Variants in PRKN observed in about 807,000 individuals in gnomAD.
PRKN encodes parkin RBR E3 ubiquitin protein ligase.
In PRKN, 56 loss-of-function variants were observed where a neutral mutation model predicts 59.5. The observed-to-expected ratio is 0.94, with a 90% CI of 0.76 to 1.18. PRKN has a LOEUF of 1.18. PRKN is among the 50% of genes most tolerant of loss of function. The probability of loss-of-function intolerance (pLI) is 0.00; values close to 1 mark genes in which losing one functional copy is unlikely to be tolerated. For missense variants in PRKN, 657 were observed against 596.4 expected (o/e 1.10, Z -1.06); for synonymous variants, 250 against 222.1 (o/e 1.13, Z -1.12).
chr6:161,531,272 T>A lies in PRKN; in HGVS notation c.1083+17582A>T, dbSNP rs1187433643. 2.0e-5 allele frequency among the ~76,000 whole-genome samples: 3 copies of A among 151,356 alleles called. No individual in the cohort carries two copies. The East Asian group carries it at 5.9e-4, about 30-fold the overall frequency. On this transcript the variant is annotated intron_variant, in intron 9 of 11. Transcript: ENST00000366898. ...GGCGGGCGCCTGTAGTCCCAGCTACTCGGGAGGCTGAGGGAGGAGAATGGC... is the reference window on the plus strand; with the variant it reads ...GGCGGGCGCCTGTAGTCCCAGCTACACGGGAGGCTGAGGGAGGAGAATGGC...
chr6:162,601,561 T>A (rs1041820332), intron 1 of PRKN, among the ~76,000 whole-genome samples: 2 of 152,100 alleles, frequency 1.3e-5, no homozygotes, highest in Non-Finnish European at 2.9e-5. Context: ...AGGGGCCATG[T>A]TTCCCTTTCC....
intron 8 of PRKN, among the ~76,000 whole-genome samples, chr6:161,565,616 C>G (rs544799704): frequency 1.3e-5 from 2 of 152,156 alleles, no homozygotes; most frequent in Admixed American, 6.5e-5. Flanking sequence ...GCTTCCCCTT[C>G]GCCTTCCGTC....
rs113225612 is a variant in PRKN, at chr6:161,368,972, C to T, written c.1168-8767G>A. On this transcript the variant is annotated intron_variant, in intron 10 of 11. Coordinates refer to ENST00000366898, the MANE Select transcript of PRKN (RefSeq NM_004562.3). Reference sequence around the variant, plus strand: ...TTCCTATCCTCACCCAGCGGATCCACGGGGAGGGAGGGGAGTCCCAGACCC... The same window carrying T: ...TTCCTATCCTCACCCAGCGGATCCATGGGGAGGGAGGGGAGTCCCAGACCC... 5.1e-3 allele frequency among the ~76,000 whole-genome samples: 769 copies of T among 152,268 alleles called. 6 individuals carry two copies. The highest frequency in any genetic ancestry group is 0.017 in the African/African-American group (725 of 41,562).
chr6:161,911,459 T>A (rs77961467), intron 6 of PRKN, among the ~76,000 whole-genome samples: 2 of 152,180 alleles, frequency 1.3e-5, no homozygotes, highest in African/African-American at 4.8e-5. Flanking sequence ...GGTTGTTTTC[T>A]AGGCCATTTC....
rs370184255 is a variant in PRKN, at chr6:161,734,285, G to A, written c.871+51487C>T. Reference sequence around the variant, plus strand: ...AACCAAAAATCATGTTTCAACCCACGGTATTCCATACAATGAATGCTTTCA... The same window carrying A: ...AACCAAAAATCATGTTTCAACCCACAGTATTCCATACAATGAATGCTTTCA... On this transcript the variant is annotated intron_variant, in intron 7 of 11. Transcript: ENST00000366898. Among the ~76,000 whole-genome samples, 15 of 152,178 alleles carry A rather than the reference G, an allele frequency of 9.9e-5. 1 individual carries two copies. The East Asian group carries it at 1.7e-3, about 18-fold the overall frequency.
At chr6:161,978,568 C>T (rs577231334) in intron 5 of PRKN, among the ~76,000 whole-genome samples, 8 of 152,338 alleles carry the variant, frequency 5.3e-5, no homozygotes, top group South Asian at 4.1e-4. Flanking sequence ...GATTAACTGC[C>T]TCTGAATTCT....
rs780417025 is a variant in PRKN, at chr6:161,569,386, A to T, written c.902T>A (p.Leu301His). The T allele has an allele frequency of 3.1e-6, 5 of 1,614,002 alleles. No homozygotes were observed. In the South Asian group the frequency reaches 5.5e-5, roughly 18 times the overall value. Residue 301 changes from leucine (L) to histidine (H), a missense_variant, in exon 8 of 12, where the codon CTC (leucine) becomes CAC (histidine). Coordinates refer to ENST00000366898, the MANE Select transcript of PRKN (RefSeq NM_004562.3). ...TTCTCCCAGAATCCTGAAGTGATGG[A>T]GCTCTTTAATCAAGGAGTTGGGACA... ...AGCPNSLIKE[L>H]HHFRILGEEQ... is the part of the protein sequence containing the mutation.
Position 161,463,265 on chromosome 6 carries a change from C to T in PRKN, c.1084-76388G>A, listed in dbSNP as rs1388565243. Among the ~76,000 whole-genome samples, 1 of 152,194 alleles carries T rather than the reference C, an allele frequency of 6.6e-6. No individual in the cohort carries two copies. Among genetic ancestry groups the T allele is most frequent in the African/African-American group, 2.4e-5 (1 of 41,448 alleles). On this transcript the variant is annotated intron_variant, in intron 9 of 11. Transcript: ENST00000366898. The surrounding 1 kb of genome is among the most constrained non-coding windows in gnomAD (Gnocchi z 4.8). Reference sequence around the variant, plus strand: ...CACTGTCAGCTGGTGCCTCTCCTGACCCCTCCTCCCTTGTTACCAAGGATG... The same window carrying T: ...CACTGTCAGCTGGTGCCTCTCCTGATCCCTCCTCCCTTGTTACCAAGGATG...
intron 3 of PRKN, among the ~76,000 whole-genome samples, chr6:162,209,249 G>GA (rs1265821881): frequency 4.6e-5 from 7 of 152,102 alleles, no homozygotes; most frequent in Non-Finnish European, 8.8e-5. Flanking sequence ...AAATTTACAT[G>GA]AAAAAAACAA....
At chr6:162,208,171 C>T (rs769496266) in intron 3 of PRKN, among the ~76,000 whole-genome samples, 1 of 152,176 alleles carries the variant, frequency 6.6e-6, no homozygotes, top group Non-Finnish European at 1.5e-5. Flanking sequence ...ATTACATGAA[C>T]ACTCTTCACT....
rs12203939 is a variant in PRKN, at chr6:161,771,369, A to G, written c.871+14403T>C. Among the ~76,000 whole-genome samples, 55 of 89,440 alleles carry G rather than the reference A, an allele frequency of 6.1e-4. 6 individuals carry two copies. The highest frequency in any genetic ancestry group is 0.011 in the Middle Eastern group (2 of 182). The allele number at this position is 89,440 out of a possible 152,430, so 58.7% of individuals were successfully genotyped here. ...AGACTCCACCTCAAAAAAAAAAAAAAAATAAAATAAAATAAAATAAAATAA... is the reference window on the plus strand; with the variant it reads ...AGACTCCACCTCAAAAAAAAAAAAAGAATAAAATAAAATAAAATAAAATAA... On this transcript the variant is annotated intron_variant, in intron 7 of 11. Coordinates refer to ENST00000366898, the MANE Select transcript of PRKN (RefSeq NM_004562.3).
At chr6:162,342,289 T>G (rs1229102686) in intron 2 of PRKN, among the ~76,000 whole-genome samples, 1 of 152,174 alleles carries the variant, frequency 6.6e-6, no homozygotes, top group East Asian at 1.9e-4. Flanking sequence ...TCTACATGAT[T>G]GCAATATAGT....
intron 1 of PRKN, among the ~76,000 whole-genome samples, chr6:162,726,209 T>C (rs1322372672): frequency 1.3e-5 from 2 of 152,182 alleles, no homozygotes; most frequent in Admixed American, 6.5e-5. Flanking sequence ...TACAATAAAT[T>C]TGTTTCTCTT....
At chr6:162,637,142 A>C (rs895388339) in intron 1 of PRKN, among the ~76,000 whole-genome samples, 43 of 151,668 alleles carry the variant, frequency 2.8e-4, no homozygotes, top group Non-Finnish European at 1.5e-5. Flanking sequence ...CTATAATCCC[A>C]GCTACTCGGG....
At chr6:162,421,678 GAGA>G (rs1212981051) in intron 2 of PRKN, among the ~76,000 whole-genome samples, 1 of 152,066 alleles carries the variant, frequency 6.6e-6, no homozygotes, top group African/African-American at 2.4e-5. Context: ...AAATAAACAG[GAGA>G]AGAACAACGC....
intron 2 of PRKN, among the ~76,000 whole-genome samples, chr6:162,435,767 AT>A (rs1789737500): frequency 6.6e-6 from 1 of 152,196 alleles, no homozygotes; most frequent in Non-Finnish European, 1.5e-5. Context: ...CCTGTAGTGA[AT>A]GAGCATCTCA....
intron 4 of PRKN, among the ~76,000 whole-genome samples, chr6:162,175,937 C>T (rs962081528): frequency 3.3e-5 from 5 of 152,162 alleles, no homozygotes; most frequent in African/African-American, 1.2e-4. Context: ...GTGCTCTCCA[C>T]CATGTAGCCT....
intron 1 of PRKN, among the ~76,000 whole-genome samples, chr6:162,648,862 T>C (rs1232116731): frequency 1.3e-5 from 2 of 152,194 alleles, no homozygotes; most frequent in Admixed American, 6.5e-5. Context: ...AGGTATTTTG[T>C]AGACATAATT....
intron 10 of PRKN, among the ~76,000 whole-genome samples, chr6:161,381,388 C>A (rs974673527): frequency 2.6e-5 from 4 of 152,274 alleles, no homozygotes; most frequent in African/African-American, 9.6e-5. Context: ...TGGCCACTCT[C>A]CCTCCCTCTC....
Sources: allele counts gnomAD v4.1 joint callset (sites outside exome capture counted in the v4.1 genomes callset), GRCh38; gene constraint gnomAD v4.1.1; non-coding constraint Gnocchi (gnomAD v3.1); transcripts MANE v1.5; gene names NCBI Gene and HGNC (gene_info 2026-07-23, HGNC 2026-07-21).